The following SNTG2 variants were observed in gnomAD, a reference collection of about 807,000 sequenced individuals.
SNTG2 encodes the protein gamma-2-syntrophin.
In SNTG2, 74 loss-of-function variants were observed where a neutral mutation model predicts 70.9. The ratio of observed to expected loss-of-function variants is 1.04; its 90% CI spans 0.86 to 1.27. The LOEUF is 1.27. Ranked by LOEUF, SNTG2 falls within the 50% of genes most tolerant of loss-of-function variation. The probability of loss-of-function intolerance (pLI) is 0.00; values close to 1 mark genes in which losing one functional copy is unlikely to be tolerated. For missense variants in SNTG2, 717 were observed against 690.7 expected, an observed-to-expected ratio of 1.04 and a Z score of -0.43; for synonymous variants, 278 against 273.8, an observed-to-expected ratio of 1.02 and a Z score of -0.15.
chr2:984,595 C>G (rs1247027006), intron 1 of SNTG2, among the ~76,000 whole-genome samples: 5 of 152,190 alleles, frequency 3.3e-5, no homozygotes, highest in Non-Finnish European at 7.3e-5. Context: ...TGTGGCCTCA[C>G]CTGTCTGTCC....
intron 9 of SNTG2, among the ~76,000 whole-genome samples, chr2:1,233,697 A>C (rs771491697): frequency 2.3e-4 from 35 of 152,232 alleles, no homozygotes; most frequent in Non-Finnish European, 4.1e-4. Context: ...TATTGGAATA[A>C]ATTTATTTCT....
At chr2:999,036 T>G (rs1661783119) in intron 1 of SNTG2, among the ~76,000 whole-genome samples, 1 of 152,082 alleles carries the variant, frequency 6.6e-6, no homozygotes, top group Admixed American at 6.5e-5. Flanking sequence ...ATTTTATATC[T>G]TGCTACACTA....
chr2:1,161,535 C>T (rs1670278572), intron 6 of SNTG2: 1 of 152,216 alleles, frequency 6.6e-6, no homozygotes, highest in South Asian at 2.1e-4. Context: ...GGCTTAGGGC[C>T]ATGATTCCAG....
At chr2:959,803 T>C (rs527425174) in intron 1 of SNTG2, among the ~76,000 whole-genome samples, 1 of 151,486 alleles carries the variant, frequency 6.6e-6, no homozygotes, top group Non-Finnish European at 1.5e-5. Context: ...TAAATACATT[T>C]CCTTTATTCC....
chr2:1,058,690 C>T (rs1038058591), intron 1 of SNTG2, among the ~76,000 whole-genome samples: 1 of 152,192 alleles, frequency 6.6e-6, no homozygotes, highest in African/African-American at 2.4e-5. Context: ...TCATCCTTGG[C>T]TAGAGGGTGG....
intron 6 of SNTG2, among the ~76,000 whole-genome samples, chr2:1,149,299 C>T (rs964817689): frequency 6.6e-6 from 1 of 151,980 alleles, no homozygotes; most frequent in Non-Finnish European, 1.5e-5. Context: ...GGTTGCAGCT[C>T]TGGGAATTGC....
In SNTG2 at chr2:1,098,345, T is replaced by C. The variant is rs1665532002; in HGVS notation, c.268-8T>C. On this transcript the variant is annotated splice_region_variant and splice_polypyrimidine_tract_variant and intron_variant, in intron 3 of 16. Coordinates refer to ENST00000308624, the MANE Select transcript of SNTG2 (RefSeq NM_018968.4). ...ACCACGTTTCTTTCTGATGGCTTTG[T>C]CTTTCAGGGAGGTTCTGAGCACAAC... The C allele has an allele frequency of 6.2e-7, 1 of 1,614,036 alleles. No homozygotes were observed. The highest frequency in any genetic ancestry group is 1.3e-5 in the African/African-American group (1 of 75,060).
At chr2:1,255,204 G>A (rs1023557491) in intron 12 of SNTG2, among the ~76,000 whole-genome samples, 2 of 152,114 alleles carry the variant, frequency 1.3e-5, no homozygotes, top group African/African-American at 2.4e-5. Context: ...TCCAATGAGC[G>A]GTGATTGAAC....
chr2:1,256,205 C>T (rs1056584498), intron 12 of SNTG2, among the ~76,000 whole-genome samples: 2 of 151,838 alleles, frequency 1.3e-5, no homozygotes, highest in African/African-American at 4.8e-5. Flanking sequence ...TTCCATCGAC[C>T]GGGTTTCTGT....
chr2:1,141,883 C>T (rs994824364), intron 6 of SNTG2, among the ~76,000 whole-genome samples: 11 of 152,300 alleles, frequency 7.2e-5, no homozygotes, highest in Middle Eastern at 3.4e-3. Flanking sequence ...CCACATTAGT[C>T]CCACATTGTG....
chr2:1,179,047 G>C (rs1257978394), intron 8 of SNTG2, among the ~76,000 whole-genome samples: 2 of 152,046 alleles, frequency 1.3e-5, no homozygotes, highest in African/African-American at 4.8e-5. Context: ...TGTATGTGTC[G>C]AGGAATTTAT....
chr2:951,976 G>A (rs1659985961), intron 1 of SNTG2, among the ~76,000 whole-genome samples: 1 of 152,186 alleles, frequency 6.6e-6, no homozygotes, highest in South Asian at 2.1e-4. Flanking sequence ...GTTGAGGGCT[G>A]CTACAAATTC....
intron 14 of SNTG2, among the ~76,000 whole-genome samples, chr2:1,274,745 T>G (rs1241932546): frequency 6.6e-6 from 1 of 152,204 alleles, no homozygotes; most frequent in African/African-American, 2.4e-5. Context: ...ACATTCACAT[T>G]TGTCACTGGT....
At chr2:1,207,658 G>A (rs1673726267) in intron 8 of SNTG2, among the ~76,000 whole-genome samples, 1 of 152,212 alleles carries the variant, frequency 6.6e-6, no homozygotes, top group South Asian at 2.1e-4. Context: ...CGTAAGCATT[G>A]TGTAGAGAGT....
Position 1,237,904 on chromosome 2 carries a change from G to A in SNTG2, c.736G>A (p.Val246Met). Residue 246 changes from valine (V) to methionine (M), a missense_variant, in exon 10 of 17, where the codon GTG becomes ATG. Val to Met is a conservative substitution (Grantham distance 21, BLOSUM62 1). Coordinates refer to ENST00000308624, the MANE Select transcript of SNTG2 (RefSeq NM_018968.4). The stretch of plus-strand genomic sequence containing the variant: ...CCTCCCCAGGTGGAATGCGTTCGAG[G>A]TGCTCGCCCTGGACGGAGTCAGCTC... Reference protein sequence around the residue: ...TEKLRWNAFEVLALDGVSSGI... With the variant: ...TEKLRWNAFEMLALDGVSSGI... 1 of 1,604,298 alleles carries A rather than the reference G, an allele frequency of 6.2e-7. No homozygotes were observed. The highest frequency in any genetic ancestry group is 8.5e-7 in the Non-Finnish European group (1 of 1,175,882).
At chr2:1,202,754 C>A (rs1479731538) in intron 8 of SNTG2, among the ~76,000 whole-genome samples, 2 of 152,102 alleles carry the variant, frequency 1.3e-5, no homozygotes, top group African/African-American at 4.8e-5. Context: ...AAACAATAAC[C>A]ATAAAAATAT....
rs569567330 is a variant in SNTG2 at position 1,121,164 on chromosome 2, G to T, written c.326-16458G>T. Among the ~76,000 whole-genome samples, 32 of 152,094 alleles carry T rather than the reference G, an allele frequency of 2.1e-4. No individual in the cohort carries two copies. In the East Asian group the frequency reaches 6.0e-3, roughly 28 times the overall value. The stretch of plus-strand genomic sequence containing the variant: ...TGCCCTGAACAATCAATGGGTCACA[G>T]AAGGAATCAAAAGTGAAATTTGAAA... On this transcript the variant is annotated intron_variant, in intron 4 of 16. Transcript: ENST00000308624.
intron 4 of SNTG2, among the ~76,000 whole-genome samples, chr2:1,101,309 A>T (rs1223665257): frequency 6.6e-6 from 1 of 152,128 alleles, no homozygotes; most frequent in Non-Finnish European, 1.5e-5. Context: ...GCACTTGGAG[A>T]TGAACTTACA....
intron 1 of SNTG2, among the ~76,000 whole-genome samples, chr2:1,010,660 T>C (rs1659703759): frequency 6.6e-6 from 1 of 152,142 alleles, no homozygotes; most frequent in Non-Finnish European, 1.5e-5. Context: ...AGATGGTGCT[T>C]GGTTGTGGGA....
Sources: allele counts gnomAD v4.1 joint callset (sites outside exome capture counted in the v4.1 genomes callset), GRCh38; gene constraint gnomAD v4.1.1; transcripts MANE v1.5; gene names NCBI Gene and HGNC (gene_info 2026-07-23, HGNC 2026-07-21).